HERPUD1: variants seen among roughly 807,000 people sequenced by gnomAD.
HERPUD1 encodes homocysteine-responsive endoplasmic reticulum-resident ubiquitin-like domain member 1 protein.
A neutral mutation model predicts 45.0 loss-of-function variants in HERPUD1; 17 were observed. The ratio of observed to expected loss-of-function variants is 0.38; its 90% CI spans 0.26 to 0.57. The LOEUF is 0.57. Among genes scored for constraint, HERPUD1 ranks in the 20% least tolerant of loss-of-function variants. The pLI, the probability that HERPUD1 is intolerant of heterozygous loss-of-function variation, is 0.72. For synonymous variants in HERPUD1, 164 were observed against 177.5 expected, an observed-to-expected ratio of 0.92 and a Z score of 0.61; for missense variants, 420 against 490.5, an observed-to-expected ratio of 0.86 and a Z score of 1.36.
In HERPUD1 at chr16:56,936,793, C is replaced by G; in HGVS notation, c.407C>G (p.Ser136Cys). ...AGGGAAGTTCTTCGGAACCTTTCTTCCCCTGGATGGGAAAACATCTCAAGG... is the reference window on the plus strand; with the variant it reads ...AGGGAAGTTCTTCGGAACCTTTCTTGCCCTGGATGGGAAAACATCTCAAGG... ...RQREVLRNLSSPGWENISRPE... is the reference protein window; with the variant it reads ...RQREVLRNLSCPGWENISRPE... The change falls in exon 4 of 8, where the codon TCC becomes TGC. Residue 136 changes from serine (S) to cysteine (C), a missense_variant. By Grantham distance (112) the Ser-to-Cys change is moderately radical (BLOSUM62 -1). Coordinates refer to ENST00000439977, the MANE Select transcript of HERPUD1 (RefSeq NM_014685.4). The G allele has an allele frequency of 6.2e-7, 1 of 1,613,988 alleles. No individual in the cohort carries two copies. Among genetic ancestry groups the G allele is most frequent in the Non-Finnish European group, 8.5e-7 (1 of 1,179,910 alleles).
rs779293563 is a variant in HERPUD1 at position 56,936,727 on chromosome 16, G to T, written c.341G>T (p.Gly114Val). 12 of 1,613,764 alleles carry T rather than the reference G, an allele frequency of 7.4e-6. No homozygotes were observed. The highest frequency in any genetic ancestry group is 4.2e-6 in the Non-Finnish European group (5 of 1,179,868). ...STEEPAGSNR[G>V]QYPEDSSSDG... Reference sequence around the variant, plus strand: ...GAGGAGCCTGCTGGTTCTAATCGGGGACAGTATCCTGAGGATTCCTCAAGT... The same window carrying T: ...GAGGAGCCTGCTGGTTCTAATCGGGTACAGTATCCTGAGGATTCCTCAAGT... Residue 114 changes from glycine (G) to valine (V), a missense_variant, in exon 4 of 8, where the codon GGA (glycine) becomes GTA (valine). By Grantham distance (109) the Gly-to-Val change is moderately radical. Transcript: ENST00000439977.
In HERPUD1 at chr16:56,943,128, A is replaced by G. The variant is rs2055923674; in HGVS notation, c.1014A>G (p.Glu338=). The G allele has an allele frequency of 6.2e-7, 1 of 1,613,790 alleles. No individual in the cohort carries two copies. Among genetic ancestry groups the G allele is most frequent in the South Asian group, 1.1e-5 (1 of 91,084 alleles). Reference sequence around the variant, plus strand: ...CCTCATTGTTTCATTACCTGTAGGAAGGCACTGATCCTGAAACTGAAGACC... The same window carrying G: ...CCTCATTGTTTCATTACCTGTAGGAGGGCACTGATCCTGAAACTGAAGACC... ...VNQDPNNNLQ[E]GTDPETEDPN... The change falls in exon 8 of 8, where the codon GAA becomes GAG. Residue 338 remains glutamate, a splice_region_variant and synonymous_variant. Transcript: ENST00000439977.
At chr16:56,939,820 C>T in intron 5 of HERPUD1, 75 bp from the exon 6 acceptor site, 1 of 1,126,952 alleles carries the variant, frequency 8.9e-7, no homozygotes, top group South Asian at 1.4e-5. Context: ...CAGTAAAAGA[C>T]TGCTGTGTAA....
At chr16:56,940,397 C>G (rs1189568319) in intron 6 of HERPUD1, 152 bp downstream of exon 6, 2 of 621,918 alleles carry the variant, frequency 3.2e-6, no homozygotes, top group East Asian at 5.5e-5. Context: ...ATCTCCGCTT[C>G]CCAGGTTCAA....
At chr16:56,943,043 C>A in intron 7 of HERPUD1, 83 bp from the exon 8 acceptor site, 1 of 1,420,026 alleles carries the variant, frequency 7.0e-7, no homozygotes, top group Non-Finnish European at 9.8e-7. Flanking sequence ...TTTACCCTGC[C>A]CTTTCCTAAC....
chr16:56,941,072 C>T (rs1355607711), intron 6 of HERPUD1: 4 of 152,186 alleles, frequency 2.6e-5, no homozygotes, highest in African/African-American at 7.2e-5. Flanking sequence ...AGAATATTAT[C>T]TTGTCCTCTA....
chr16:56,937,764 C>T (rs1433163249), intron 4 of HERPUD1, among the ~76,000 whole-genome samples: 1 of 150,480 alleles, frequency 6.6e-6, no homozygotes, highest in Non-Finnish European at 1.5e-5. Flanking sequence ...ATCTTAAAAG[C>T]ACTTTATCAT....
In HERPUD1 at chr16:56,943,182, A is replaced by G. The variant is rs1596984600; in HGVS notation, c.1068A>G (p.Val356=). ...ACCACCTCCCTCCAGACAGGGATGTACTAGATGGCGAGCAGACCAGCCCCT... is the reference window on the plus strand; with the variant it reads ...ACCACCTCCCTCCAGACAGGGATGTGCTAGATGGCGAGCAGACCAGCCCCT... ...DPNHLPPDRD[V]LDGEQTSPSF... The change falls in exon 8 of 8, where the codon GTA becomes GTG. Residue 356 remains valine (V), a synonymous_variant. Transcript: ENST00000439977. 1 of 1,614,206 alleles carries G rather than the reference A, an allele frequency of 6.2e-7. No homozygotes were observed. The highest frequency in any genetic ancestry group is 8.5e-7 in the Non-Finnish European group (1 of 1,180,014).
chr16:56,936,513 A>T (rs1222714210), intron 3 of HERPUD1, 174 bp from the exon 4 acceptor site: 1 of 424,072 alleles, frequency 2.4e-6, no homozygotes, highest in African/African-American at 2.0e-5. Flanking sequence ...ATTGAAAATT[A>T]TGTTGAATAA....
At chr16:56,940,688 G>A (rs1367915021) in intron 6 of HERPUD1, among the ~76,000 whole-genome samples, 3 of 152,018 alleles carry the variant, frequency 2.0e-5, no homozygotes, top group South Asian at 2.1e-4. Flanking sequence ...GTGGCTGGGC[G>A]CAGTGGCTCA....
At chr16:56,938,806 A>C (rs1273266492) in intron 4 of HERPUD1, among the ~76,000 whole-genome samples, 3 of 152,136 alleles carry the variant, frequency 2.0e-5, no homozygotes, top group Non-Finnish European at 4.4e-5. Context: ...CAGATGGAGG[A>C]TGGAGGAAGA....
In HERPUD1 at chr16:56,932,193, G is replaced by T; in HGVS notation, c.-52G>T. 6.3e-7 allele frequency: 1 copy of T among 1,588,340 alleles called. No homozygotes were observed. On this transcript the variant is annotated 5_prime_UTR_variant, in exon 1 of 8. Coordinates refer to ENST00000439977, the MANE Select transcript of HERPUD1 (RefSeq NM_014685.4). Reference sequence around the variant, plus strand: ...AGAGATTGCGGGCGGCTGAGACGCCGCCTGCCTGGCACCTAGGAGCGCAGC... The same window carrying T: ...AGAGATTGCGGGCGGCTGAGACGCCTCCTGCCTGGCACCTAGGAGCGCAGC...
Position 56,939,233 on chromosome 16 carries a change from A to G in HERPUD1, c.432-4A>G, listed in dbSNP as rs778280420. 22 of 1,613,960 alleles carry G rather than the reference A, an allele frequency of 1.4e-5. No homozygotes were observed. The highest frequency in any genetic ancestry group is 1.1e-4 in the African/African-American group (8 of 74,936). On this transcript the variant is annotated splice_region_variant and splice_polypyrimidine_tract_variant and intron_variant, in intron 4 of 7. Transcript: ENST00000439977. ...AATGAGTGTTTTTTCAAATCTATGT[A>G]TAGGCCTGAAGCTGCCCAGCAGGCA...
At chr16:56,935,736 T>C (rs1242284030) in intron 3 of HERPUD1, 4 of 470,980 alleles carry the variant, frequency 8.5e-6, no homozygotes, top group Non-Finnish European at 1.5e-5. Context: ...TGATCTATGG[T>C]TACTGTGTAT....
chr16:56,939,086 G>T, intron 4 of HERPUD1, 151 bp from the exon 5 acceptor site: 1 of 741,066 alleles, frequency 1.3e-6, no homozygotes, highest in Non-Finnish European at 2.2e-6. Context: ...TGTGGTACAT[G>T]GGTGCGTCAT....
At position 56,943,997 on chromosome 16, in the gene HERPUD1, G is replaced by T; in HGVS notation, c.*707G>T. ...TGTTTTTCAGAAGAGGACTGTTTGT[G>T]CCGGTAAGAATGATCAGGTAAGGCC... On this transcript the variant is annotated 3_prime_UTR_variant, in exon 8 of 8. Transcript: ENST00000439977. The T allele has an allele frequency of 5.9e-6, 1 of 169,688 alleles. No homozygotes were observed. Among genetic ancestry groups the T allele is most frequent in the Admixed American group, 6.2e-5 (1 of 16,026 alleles). The allele number at this position is 169,688 out of a possible 1,614,324, so 10.5% of individuals were successfully genotyped here.
chr16:56,940,265 AAT>A lies in HERPUD1; in HGVS notation c.905+24_905+25del. ...GTACCTGTAAGCAGATGGTTTCTCT[AAT>A]ATAAATTACACTACACTGTGTTCAC... On this transcript the variant is annotated intron_variant, in intron 6 of 7. Transcript: ENST00000439977. 6.5e-7 allele frequency: 1 copy of A among 1,536,946 alleles called. No homozygotes were observed. The highest frequency in any genetic ancestry group is 9.0e-7 in the Non-Finnish European group (1 of 1,114,972).
Position 56,943,346 on chromosome 16 carries a change from A to G in HERPUD1, c.*56A>G. 1 of 1,592,774 alleles carries G rather than the reference A, an allele frequency of 6.3e-7. No individual in the cohort carries two copies. Among genetic ancestry groups the G allele is most frequent in the Non-Finnish European group, 8.6e-7 (1 of 1,160,708 alleles). On this transcript the variant is annotated 3_prime_UTR_variant, in exon 8 of 8. Transcript: ENST00000439977. ...TGACAGGAATGGACTGGATCACCTG[A>G]CTCCAGCTAGATTGCCTCTCCTGGA... is the stretch of plus-strand genomic sequence containing the variant.
chr16:56,932,184 T>C lies in HERPUD1; in HGVS notation c.-61T>C. 6.3e-7 allele frequency: 1 copy of C among 1,579,526 alleles called. No homozygotes were observed. Among genetic ancestry groups the C allele is most frequent in the Non-Finnish European group, 8.6e-7 (1 of 1,169,270 alleles). ...TGTCGTTGCAGAGATTGCGGGCGGC[T>C]GAGACGCCGCCTGCCTGGCACCTAG... is the stretch of plus-strand genomic sequence containing the variant. On this transcript the variant is annotated 5_prime_UTR_variant, in exon 1 of 8. Coordinates refer to ENST00000439977, the MANE Select transcript of HERPUD1 (RefSeq NM_014685.4).
Sources: allele counts gnomAD v4.1 joint callset (sites outside exome capture counted in the v4.1 genomes callset), GRCh38; gene constraint gnomAD v4.1.1; transcripts MANE v1.5; gene names NCBI Gene and HGNC (gene_info 2026-07-23, HGNC 2026-07-21).